Variants in AUTS2 observed in about 807,000 individuals in gnomAD.
AUTS2 encodes activator of transcription and developmental regulator AUTS2, also known as autism susceptibility gene 2 protein.
Under a neutral mutation model 112.4 loss-of-function variants are expected in AUTS2, and 17 were observed. The ratio of observed to expected loss-of-function variants is 0.15; its 90% CI spans 0.10 to 0.23. AUTS2 has a LOEUF of 0.23. Ranked by LOEUF, AUTS2 falls within the 10% of genes least tolerant of loss-of-function variation. The pLI, the probability that AUTS2 is intolerant of heterozygous loss-of-function variation, is 1.00. For synonymous variants in AUTS2, 751 were observed against 702.7 expected, an observed-to-expected ratio of 1.07 and a Z score of -1.09; for missense variants, 1,510 against 1,701.6, an observed-to-expected ratio of 0.89 and a Z score of 1.98.
At chr7:70,373,803 G>A (rs771172849) in intron 4 of AUTS2, among the ~76,000 whole-genome samples, 1 of 152,014 alleles carries the variant, frequency 6.6e-6, no homozygotes, top group Admixed American at 6.6e-5. Flanking sequence ...AATAAAATTG[G>A]TATGGTTTTT....
At chr7:69,916,820 G>A (rs962708281) in intron 2 of AUTS2, among the ~76,000 whole-genome samples, 2 of 152,176 alleles carry the variant, frequency 1.3e-5, no homozygotes, top group African/African-American at 4.8e-5. Context: ...TCTTGGAGGT[G>A]TGATGACTAG....
At chr7:70,237,983 A>C (rs181954032) in intron 4 of AUTS2, among the ~76,000 whole-genome samples, 2 of 152,352 alleles carry the variant, frequency 1.3e-5, no homozygotes, top group East Asian at 3.9e-4. Context: ...ACAGTAATTC[A>C]TAGTGCTCTA....
At chr7:69,871,144 T>C (rs983229907) in intron 1 of AUTS2, among the ~76,000 whole-genome samples, 3 of 152,200 alleles carry the variant, frequency 2.0e-5, no homozygotes, top group Non-Finnish European at 2.9e-5. Context: ...TGAAAGGGAC[T>C]GTCTTTCCCT....
At chr7:69,661,965 A>G (rs987338857) in intron 1 of AUTS2, among the ~76,000 whole-genome samples, 4 of 152,292 alleles carry the variant, frequency 2.6e-5, no homozygotes, top group Non-Finnish European at 5.9e-5. Context: ...TCCTGGGCGT[A>G]TGTAATTGCA....
In AUTS2 at chr7:70,547,558, G is replaced by A. The variant is rs868631852; in HGVS notation, c.690+111777G>A. Among the ~76,000 whole-genome samples the A allele has an allele frequency of 3.3e-5, 5 of 152,110 alleles. No homozygotes were observed. The South Asian group carries it at 1.0e-3, about 32-fold the overall frequency. On this transcript the variant is annotated intron_variant, in intron 5 of 18. Coordinates refer to ENST00000342771, the MANE Select transcript of AUTS2 (RefSeq NM_015570.4). ...GTGAGCCACCGTGCCCGGCCGTAAT[G>A]TGTGGTCTTTTGCATGTGGCTTCTT...
intron 4 of AUTS2, among the ~76,000 whole-genome samples, chr7:70,232,532 T>C (rs1186466185): frequency 6.6e-6 from 1 of 152,090 alleles, no homozygotes; most frequent in Non-Finnish European, 1.5e-5. Context: ...GACTCCCCAG[T>C]AGCTGGGACT....
chr7:69,662,177 C>CTTTT (rs548089445), intron 1 of AUTS2, among the ~76,000 whole-genome samples: 1 of 139,976 alleles, frequency 7.1e-6, no homozygotes. Flanking sequence ...GTATTCAGAG[C>CTTTT]TTTTTTTTTT....
At position 70,598,033 on chromosome 7, in the gene AUTS2, G is replaced by A. The variant is rs115267187; in HGVS notation, c.691-100536G>A. Among the ~76,000 whole-genome samples, 1,315 of 152,270 alleles carry A rather than the reference G, an allele frequency of 8.6e-3. 22 individuals are homozygous for A. Among genetic ancestry groups the A allele is most frequent in the African/African-American group, 0.03 (1,242 of 41,534 alleles). On this transcript the variant is annotated intron_variant, in intron 5 of 18. Transcript: ENST00000342771. ...GCATTGCATCTTGAATACTGCATGCGTTTTAAAGTTTGCAGAGCTTATTCA... is the reference window on the plus strand; with the variant it reads ...GCATTGCATCTTGAATACTGCATGCATTTTAAAGTTTGCAGAGCTTATTCA...
intron 2 of AUTS2, among the ~76,000 whole-genome samples, chr7:69,922,592 G>A (rs1795857883): frequency 6.6e-6 from 1 of 152,112 alleles, no homozygotes; most frequent in Admixed American, 6.5e-5. Context: ...GGTGATTTTT[G>A]GTTGTAGCCA....
chr7:69,786,717 G>T (rs1266151676), intron 1 of AUTS2, among the ~76,000 whole-genome samples: 1 of 152,178 alleles, frequency 6.6e-6, no homozygotes, highest in Non-Finnish European at 1.5e-5. Flanking sequence ...GCCTCCCAAA[G>T]TGCTGGGATT....
chr7:70,272,366 C>T (rs937180168), intron 4 of AUTS2, among the ~76,000 whole-genome samples: 8 of 152,114 alleles, frequency 5.3e-5, no homozygotes, highest in East Asian at 1.9e-4. Flanking sequence ...CCTATTCATG[C>T]GTTAATCAAA....
intron 5 of AUTS2, among the ~76,000 whole-genome samples, chr7:70,668,120 T>C (rs1488242005): frequency 6.6e-6 from 1 of 152,310 alleles, no homozygotes; most frequent in East Asian, 1.9e-4. Flanking sequence ...GGTGGGACTT[T>C]AGGTGTGTGC....
At chr7:70,763,410 G>T in intron 7 of AUTS2, 69 bp downstream of exon 7, 1 of 1,180,048 alleles carries the variant, frequency 8.5e-7, no homozygotes, top group Non-Finnish European at 1.2e-6. Flanking sequence ...TGGGAGTCGG[G>T]GAGGGATCCC....
chr7:69,724,207 C>G (rs1050412450), intron 1 of AUTS2, among the ~76,000 whole-genome samples: 5 of 152,158 alleles, frequency 3.3e-5, no homozygotes, highest in African/African-American at 1.2e-4. Context: ...TTCTTTCTAA[C>G]TCTGTTTCTT....
intron 4 of AUTS2, among the ~76,000 whole-genome samples, chr7:70,396,439 C>A (rs569846549): frequency 2.0e-5 from 3 of 151,572 alleles, no homozygotes; most frequent in African/African-American, 7.3e-5. Flanking sequence ...TACAGTGGCA[C>A]GATCTCAGCT....
intron 1 of AUTS2, among the ~76,000 whole-genome samples, chr7:69,669,091 A>G (rs1796197969): frequency 1.3e-5 from 2 of 152,190 alleles, no homozygotes. Context: ...TGAAAAACAG[A>G]CATGTTTTCT....
intron 4 of AUTS2, among the ~76,000 whole-genome samples, chr7:70,168,517 T>C (rs1473599238): frequency 5.9e-5 from 9 of 152,198 alleles, no homozygotes; most frequent in African/African-American, 1.7e-4. Context: ...GGTTTCACCA[T>C]GTTGACTGGG....
In AUTS2 at chr7:69,879,177, T is replaced by C. The variant is rs961853241; in HGVS notation, c.310-20109T>C. The stretch of plus-strand genomic sequence containing the variant: ...GTGTGTTTGAGACAGGGTCTTGCTC[T>C]GTCGCCCAGGCTGGAGTGCGGTGGC... On this transcript the variant is annotated intron_variant, in intron 1 of 18. Transcript: ENST00000342771. 4.5e-4 allele frequency among the ~76,000 whole-genome samples: 69 copies of C among 152,100 alleles called. 1 individual carries two copies. The highest frequency in any genetic ancestry group is 1.6e-3 in the African/African-American group (65 of 41,520).
At chr7:70,047,760 T>C (rs1450445142) in intron 2 of AUTS2, among the ~76,000 whole-genome samples, 1 of 151,980 alleles carries the variant, frequency 6.6e-6, no homozygotes, top group Non-Finnish European at 1.5e-5. Context: ...GAGTGTGTGC[T>C]AGGTGAAGAA....
Sources: gnomAD v4.1 joint callset for allele counts (sites outside exome capture counted in the v4.1 genomes callset) on GRCh38, gnomAD v4.1.1 for gene constraint, MANE v1.5 for transcripts, NCBI Gene and HGNC (gene_info 2026-07-23, HGNC 2026-07-21) for gene names.